Variants in ARHGAP15 observed in about 807,000 individuals in gnomAD.
ARHGAP15 encodes the protein Rho GTPase activating protein 15.
Under a neutral mutation model 63.7 loss-of-function variants are expected in ARHGAP15, and 51 were observed. That is an observed-to-expected ratio of 0.80 (90% CI 0.64 to 1.01). The LOEUF is 1.01. Ranked by LOEUF, ARHGAP15 falls within the 50% of genes least tolerant of loss-of-function variation. The probability of loss-of-function intolerance (pLI) is 0.00; values close to 1 mark genes in which losing one functional copy is unlikely to be tolerated. For synonymous variants in ARHGAP15, 191 were observed against 193.8 expected (o/e 0.99, Z 0.12); for missense variants, 560 against 564.6 (o/e 0.99, Z 0.08).
intron 10 of ARHGAP15, among the ~76,000 whole-genome samples, chr2:143,539,825 G>T (rs1332848240): frequency 6.6e-6 from 1 of 152,068 alleles, no homozygotes; most frequent in Non-Finnish European, 1.5e-5. Context: ...TGGAATAGGA[G>T]TGGTGTGGTG....
intron 9 of ARHGAP15, among the ~76,000 whole-genome samples, chr2:143,507,512 ACTT>A (rs1415512039): frequency 1.3e-5 from 2 of 152,026 alleles, no homozygotes; most frequent in Non-Finnish European, 2.9e-5. Flanking sequence ...AAGGCCTTGG[ACTT>A]CTTTTCTCAT....
intron 6 of ARHGAP15, among the ~76,000 whole-genome samples, chr2:143,271,856 G>GT (rs1474841165): frequency 6.6e-6 from 1 of 152,182 alleles, no homozygotes; most frequent in Non-Finnish European, 1.5e-5. Flanking sequence ...GAAAATCGAT[G>GT]TGTCAAATAT....
chr2:143,740,877 C>T (rs925910772), intron 13 of ARHGAP15, among the ~76,000 whole-genome samples: 32 of 152,058 alleles, frequency 2.1e-4, no homozygotes, highest in African/African-American at 7.5e-4. Context: ...ATGCTAATAC[C>T]ATCCCATCCA....
At chr2:143,513,179 AGT>A (rs1436821463) in intron 9 of ARHGAP15, among the ~76,000 whole-genome samples, 2 of 152,210 alleles carry the variant, frequency 1.3e-5, no homozygotes, top group African/African-American at 4.8e-5. Context: ...CCCTCTAGCT[AGT>A]GAAATTCCAG....
chr2:143,719,140 G>A (rs565540999), intron 13 of ARHGAP15, among the ~76,000 whole-genome samples: 9 of 152,334 alleles, frequency 5.9e-5, no homozygotes, highest in African/African-American at 2.2e-4. Context: ...CTCTGGCACT[G>A]AAAACACCTC....
chr2:143,454,947 G>C (rs941291565), intron 8 of ARHGAP15, among the ~76,000 whole-genome samples: 2 of 152,024 alleles, frequency 1.3e-5, no homozygotes, highest in Non-Finnish European at 2.9e-5. Context: ...GAGTTAAAGA[G>C]ACTCCAAATG....
At chr2:143,641,567 G>A (rs377452358) in intron 12 of ARHGAP15, among the ~76,000 whole-genome samples, 17 of 152,082 alleles carry the variant, frequency 1.1e-4, no homozygotes, top group East Asian at 5.8e-4. Flanking sequence ...TTTCTCTAAT[G>A]TTGGTGGAAA....
At chr2:143,403,191 A>T (rs1688060995) in intron 6 of ARHGAP15, among the ~76,000 whole-genome samples, 2 of 151,882 alleles carry the variant, frequency 1.3e-5, no homozygotes, top group South Asian at 4.1e-4. Flanking sequence ...CCAAAATTGT[A>T]ATTATTTTTT....
rs147671621 is a variant in ARHGAP15 at position 143,550,728 on chromosome 2, C to A, written c.926-5680C>A. Among the ~76,000 whole-genome samples, 478 of 152,294 alleles carry A rather than the reference C, an allele frequency of 3.1e-3. 6 individuals carry two copies. Among genetic ancestry groups the A allele is most frequent in the Non-Finnish European group, 1.1e-3 (76 of 68,030 alleles). Reference sequence around the variant, plus strand: ...AGGAAGAGGACAAGTTAAGTCTTAACTTTTGGGAGCTCTCCTTTGTGAAAC... The same window carrying A: ...AGGAAGAGGACAAGTTAAGTCTTAAATTTTGGGAGCTCTCCTTTGTGAAAC... On this transcript the variant is annotated intron_variant, in intron 10 of 13. Coordinates refer to ENST00000295095, the MANE Select transcript of ARHGAP15 (RefSeq NM_018460.4).
intron 6 of ARHGAP15, among the ~76,000 whole-genome samples, chr2:143,306,665 G>C (rs1683186419): frequency 6.6e-6 from 1 of 152,088 alleles, no homozygotes; most frequent in African/African-American, 2.4e-5. Flanking sequence ...GGATAAGACA[G>C]ACCTAAGTCC....
At chr2:143,651,130 T>A (rs1301920958) in intron 12 of ARHGAP15, among the ~76,000 whole-genome samples, 1 of 151,976 alleles carries the variant, frequency 6.6e-6, no homozygotes, top group African/African-American at 2.4e-5. Context: ...TCAGGGAGCA[T>A]TTAAATTTGT....
intron 6 of ARHGAP15, among the ~76,000 whole-genome samples, chr2:143,351,626 T>C (rs1218309297): frequency 6.6e-6 from 1 of 152,148 alleles, no homozygotes; most frequent in Admixed American, 6.5e-5. Flanking sequence ...GCGATGTCTA[T>C]GGTAGTGGCC....
chr2:143,571,627 T>A (rs1030539283), intron 11 of ARHGAP15, among the ~76,000 whole-genome samples: 2 of 152,220 alleles, frequency 1.3e-5, no homozygotes, highest in African/African-American at 4.8e-5. Context: ...ATTGGTGGCA[T>A]CTGCATTTCT....
intron 12 of ARHGAP15, among the ~76,000 whole-genome samples, chr2:143,684,120 A>G (rs565620200): frequency 9.5e-4 from 144 of 152,342 alleles, no homozygotes; most frequent in African/African-American, 3.3e-3. Context: ...TCTCAGAAGC[A>G]CTATTGAAAA....
intron 12 of ARHGAP15, among the ~76,000 whole-genome samples, chr2:143,655,362 T>C (rs1466310927): frequency 2.0e-5 from 3 of 152,098 alleles, no homozygotes; most frequent in African/African-American, 4.8e-5. Context: ...GGAGAGAATA[T>C]GAGCCTTAAA....
intron 11 of ARHGAP15, among the ~76,000 whole-genome samples, chr2:143,557,060 A>G (rs1007237994): frequency 2.6e-5 from 4 of 152,218 alleles, no homozygotes. Context: ...GTGCGAAATG[A>G]TTGAGTCACT....
chr2:143,527,344 G>A (rs1382715485), intron 10 of ARHGAP15, among the ~76,000 whole-genome samples: 2 of 151,866 alleles, frequency 1.3e-5, no homozygotes, highest in Non-Finnish European at 2.9e-5. Flanking sequence ...AAATTCTTTG[G>A]GAGGTTATCT....
At chr2:143,596,207 C>T (rs1310925893) in intron 11 of ARHGAP15, among the ~76,000 whole-genome samples, 1 of 152,098 alleles carries the variant, frequency 6.6e-6, no homozygotes, top group Non-Finnish European at 1.5e-5. Context: ...AACATGAAGT[C>T]CTTCTAGACT....
chr2:143,229,156 A>G (rs1354431826), intron 5 of ARHGAP15, among the ~76,000 whole-genome samples: 1 of 152,182 alleles, frequency 6.6e-6, no homozygotes, highest in Non-Finnish European at 1.5e-5. Context: ...GGTATCTAGC[A>G]TGCTATAAAG....
Sources: gnomAD v4.1 joint callset for allele counts (sites outside exome capture counted in the v4.1 genomes callset) on GRCh38, gnomAD v4.1.1 for gene constraint, MANE v1.5 for transcripts, NCBI Gene and HGNC (gene_info 2026-07-23, HGNC 2026-07-21) for gene names.